FER: variants seen among roughly 807,000 people sequenced by gnomAD.
FER encodes the protein FER tyrosine kinase.
Under a neutral mutation model 111.0 loss-of-function variants are expected in FER, and 63 were observed. The observed-to-expected ratio is 0.57, with a 90% CI of 0.46 to 0.70. The LOEUF is 0.70. Among genes scored for constraint, FER ranks in the 30% least tolerant of loss-of-function variants. FER has a pLI of 0.00. For missense variants in FER, 914 were observed against 954.0 expected (o/e 0.96, Z 0.55); for synonymous variants, 327 against 313.9 (o/e 1.04, Z -0.44).
At chr5:109,036,992 T>C (rs1385272236) in intron 13 of FER, among the ~76,000 whole-genome samples, 1 of 152,044 alleles carries the variant, frequency 6.6e-6, no homozygotes, top group African/African-American at 2.4e-5. Flanking sequence ...GTGGAAAAAT[T>C]AGCTCTTAGT....
intron 3 of FER, chr5:108,819,919 G>T (rs1250971477): frequency 4.1e-6 from 4 of 985,218 alleles, no homozygotes; most frequent in Non-Finnish European, 4.8e-6. Flanking sequence ...GATTGGGTTG[G>T]AGGAGGAAAG....
chr5:108,889,387 C>T (rs891881447), intron 9 of FER, among the ~76,000 whole-genome samples: 24 of 151,782 alleles, frequency 1.6e-4, no homozygotes, highest in African/African-American at 5.6e-4. Flanking sequence ...GAATGAGATC[C>T]TGTCATTTTC....
chr5:109,184,411 A>C (rs1758633290), intron 18 of FER, among the ~76,000 whole-genome samples: 1 of 152,194 alleles, frequency 6.6e-6, no homozygotes, highest in Non-Finnish European at 1.5e-5. Flanking sequence ...ATGCTATACA[A>C]TTGTAAGTTA....
At chr5:108,883,251 G>A in intron 8 of FER, 145 bp from the exon 9 acceptor site, 1 of 697,528 alleles carries the variant, frequency 1.4e-6, no homozygotes, top group Non-Finnish European at 2.1e-6. Context: ...TGCAACCAAA[G>A]AGCTGAAATT....
chr5:108,920,237 G>T (rs570716039), intron 10 of FER, among the ~76,000 whole-genome samples: 2 of 151,968 alleles, frequency 1.3e-5, no homozygotes, highest in Non-Finnish European at 2.9e-5. Flanking sequence ...ACATGTGAAG[G>T]CCTTCTTTTT....
At chr5:109,109,499 G>T (rs959432570) in intron 17 of FER, among the ~76,000 whole-genome samples, 3 of 152,082 alleles carry the variant, frequency 2.0e-5, no homozygotes, top group African/African-American at 7.2e-5. Context: ...TTGAATGAGT[G>T]AATGAAGTTA....
At chr5:109,086,449 T>TC (rs1488721652) in intron 16 of FER, among the ~76,000 whole-genome samples, 3 of 151,750 alleles carry the variant, frequency 2.0e-5, no homozygotes, top group African/African-American at 7.2e-5. Flanking sequence ...AGAACAGTCT[T>TC]CCTAGGTGTT....
At chr5:108,825,295 C>T (rs966075806) in intron 3 of FER, among the ~76,000 whole-genome samples, 1 of 152,132 alleles carries the variant, frequency 6.6e-6, no homozygotes, top group Non-Finnish European at 1.5e-5. Context: ...CCATAAGAGA[C>T]AGGTACGCCC....
chr5:109,167,990 ACTGT>A (rs1449707512), intron 17 of FER, among the ~76,000 whole-genome samples: 1 of 151,972 alleles, frequency 6.6e-6, no homozygotes, highest in African/African-American at 2.4e-5. Context: ...AAGAGATGAC[ACTGT>A]CTCTTAGCTT....
At chr5:108,798,449 A>G (rs749773728) in intron 3 of FER, 60 bp downstream of exon 3, 76 of 1,311,792 alleles carry the variant, frequency 5.8e-5, no homozygotes, top group Middle Eastern at 5.3e-4. Flanking sequence ...TTAAAATGCA[A>G]TAGCTCAAAC....
chr5:108,851,547 T>C (rs78045439), intron 5 of FER, among the ~76,000 whole-genome samples: 1 of 152,266 alleles, frequency 6.6e-6, no homozygotes, highest in East Asian at 1.9e-4. Context: ...TGTAGTACTT[T>C]GTTCAAAGTA....
intron 10 of FER, among the ~76,000 whole-genome samples, chr5:108,937,955 C>A (rs939075995): frequency 2.0e-5 from 3 of 151,074 alleles, no homozygotes; most frequent in African/African-American, 4.9e-5. Flanking sequence ...GAGGTTCATC[C>A]TTCTCTTTCT....
At chr5:108,835,465 G>C (rs773047313) in intron 4 of FER, among the ~76,000 whole-genome samples, 33 of 152,154 alleles carry the variant, frequency 2.2e-4, no homozygotes, top group Non-Finnish European at 4.1e-4. Flanking sequence ...TTACAGGCGT[G>C]AGCCACCGTG....
intron 17 of FER, among the ~76,000 whole-genome samples, chr5:109,145,630 C>T (rs1754004792): frequency 6.6e-6 from 1 of 151,906 alleles, no homozygotes; most frequent in Admixed American, 6.6e-5. Flanking sequence ...CCAGCAAGAT[C>T]TAACATTCAA....
chr5:109,013,057 C>CT (rs202223340), intron 13 of FER, among the ~76,000 whole-genome samples: 90 of 136,636 alleles, frequency 6.6e-4, no homozygotes, highest in East Asian at 1.5e-3. Context: ...ATTGCTTTTG[C>CT]TTTTTTTTTT....
chr5:108,969,796 A>G (rs2149694082), intron 13 of FER, among the ~76,000 whole-genome samples: 1 of 148,298 alleles, frequency 6.7e-6, no homozygotes, highest in South Asian at 2.1e-4. Context: ...ATAAAATAGC[A>G]TTATGGTATT....
At chr5:108,984,548 G>A (rs1374511938) in intron 13 of FER, among the ~76,000 whole-genome samples, 1 of 150,634 alleles carries the variant, frequency 6.6e-6, no homozygotes, top group Admixed American at 6.6e-5. Flanking sequence ...TGGAGAATAA[G>A]TAAATGCCAC....
chr5:108,952,723 T>C (rs1019512686), intron 11 of FER, among the ~76,000 whole-genome samples: 1 of 152,276 alleles, frequency 6.6e-6, no homozygotes, highest in Non-Finnish European at 1.5e-5. Context: ...ATACATATTC[T>C]TCGTCATATG....
chr5:108,913,338 A>G (rs1252307850), intron 10 of FER, among the ~76,000 whole-genome samples: 3 of 152,216 alleles, frequency 2.0e-5, no homozygotes, highest in South Asian at 4.1e-4. Context: ...TATTCCTTGT[A>G]TATAAATACC....
Sources: allele counts gnomAD v4.1 joint callset (sites outside exome capture counted in the v4.1 genomes callset), GRCh38; gene constraint gnomAD v4.1.1; transcripts MANE v1.5; gene names NCBI Gene and HGNC (gene_info 2026-07-23, HGNC 2026-07-21).